The following NR4A3 variants were observed in gnomAD, a reference collection of about 807,000 sequenced individuals.
NR4A3 encodes nuclear receptor subfamily 4 group A member 3.
NR4A3 carries 13 observed loss-of-function variants against 55.6 expected under a neutral mutation model. That is an observed-to-expected ratio of 0.23 (90% confidence interval 0.15 to 0.37). The LOEUF (loss-of-function observed/expected upper bound fraction) is 0.37. Among genes scored for constraint, NR4A3 ranks in the 10% least tolerant of loss-of-function variants. The probability of loss-of-function intolerance (pLI) is 1.00; values close to 1 mark genes in which losing one functional copy is unlikely to be tolerated. For synonymous variants in NR4A3, 342 were observed against 357.9 expected (o/e 0.96, Z 0.50); for missense variants, 646 against 822.8 (o/e 0.79, Z 2.63).
intron 7 of NR4A3, among the ~76,000 whole-genome samples, chr9:99,856,118 G>A (rs1040034893): frequency 6.6e-6 from 1 of 151,988 alleles, no homozygotes; most frequent in East Asian, 1.9e-4. Flanking sequence ...GATGATTCAA[G>A]CTTATTACAT....
intron 7 of NR4A3, among the ~76,000 whole-genome samples, chr9:99,860,352 G>A (rs935513665): frequency 5.3e-5 from 8 of 151,450 alleles, no homozygotes; most frequent in African/African-American, 1.9e-4. Flanking sequence ...TTTTTTGTTT[G>A]TTTGCTTTTG....
chr9:99,846,646 T>TTTTTG (rs1267245875), intron 6 of NR4A3, among the ~76,000 whole-genome samples: 3 of 152,130 alleles, frequency 2.0e-5, no homozygotes, highest in Admixed American at 1.3e-4. Flanking sequence ...AGGGACTTGA[T>TTTTTG]TTTTGTTTTG....
intron 7 of NR4A3, among the ~76,000 whole-genome samples, chr9:99,849,088 C>G (rs1337784621): frequency 1.3e-5 from 2 of 152,214 alleles, no homozygotes; most frequent in East Asian, 3.9e-4. Flanking sequence ...ACCTCTGGTA[C>G]AGATGGCCCC....
chr9:99,855,637 G>A (rs576065319), intron 7 of NR4A3, among the ~76,000 whole-genome samples: 23 of 152,274 alleles, frequency 1.5e-4, no homozygotes, highest in Admixed American at 3.9e-4. Context: ...TTGACTTGTC[G>A]CTTCCTGACC....
At chr9:99,842,310 G>C (rs1381029327) in intron 5 of NR4A3, among the ~76,000 whole-genome samples, 1 of 152,008 alleles carries the variant, frequency 6.6e-6, no homozygotes, top group African/African-American at 2.4e-5. Context: ...TTCTTTCATT[G>C]AAAAAATATT....
At chr9:99,836,992 T>C (rs1172693464) in intron 5 of NR4A3, among the ~76,000 whole-genome samples, 1 of 152,228 alleles carries the variant, frequency 6.6e-6, no homozygotes, top group Admixed American at 6.5e-5. Context: ...ACCTGTTGGC[T>C]ATTTCTATGT....
Position 99,866,512 on chromosome 9 carries a change from T to C in NR4A3, c.*2645T>C, listed in dbSNP as rs1325182819. 1 of 228,674 alleles carries C rather than the reference T, an allele frequency of 4.4e-6. No individual in the cohort carries two copies. The highest frequency in any genetic ancestry group is 8.7e-6 in the Non-Finnish European group (1 of 115,028). 14.2% of individuals were successfully genotyped at this position (228,674 alleles called of 1,614,324 possible). A position where few individuals can be genotyped will look rare whatever the true frequency, so the allele number is the denominator to read the frequency against. Reference sequence around the variant, plus strand: ...TAGCATGTTCTTCTGTCTTCCATAGTTATTACAACTATGAGAGCCTCCCAA... The same window carrying C: ...TAGCATGTTCTTCTGTCTTCCATAGCTATTACAACTATGAGAGCCTCCCAA... On this transcript the variant is annotated 3_prime_UTR_variant, in exon 8 of 8. Transcript: ENST00000395097.
chr9:99,859,824 T>C (rs1352537337), intron 7 of NR4A3, among the ~76,000 whole-genome samples: 2 of 152,226 alleles, frequency 1.3e-5, no homozygotes, highest in South Asian at 4.1e-4. Context: ...TCTTGAATGT[T>C]ATGTAAGACA....
At chr9:99,827,194 G>C (rs1036955141) in intron 2 of NR4A3, among the ~76,000 whole-genome samples, 1 of 151,700 alleles carries the variant, frequency 6.6e-6, no homozygotes, top group Non-Finnish European at 1.5e-5. Context: ...TATTATGATA[G>C]TTATAAACTG....
intron 5 of NR4A3, among the ~76,000 whole-genome samples, chr9:99,843,219 C>T (rs983259171): frequency 1.3e-5 from 2 of 152,246 alleles, no homozygotes; most frequent in African/African-American, 4.8e-5. Flanking sequence ...TAGACCTCCC[C>T]TCAGTGATGG....
In NR4A3 at chr9:99,847,425, C is replaced by G. The variant is rs369494064; in HGVS notation, c.1455-12C>G. On this transcript the variant is annotated splice_polypyrimidine_tract_variant and intron_variant, in intron 6 of 7. Transcript: ENST00000395097. ...AGACCTGTTTAATGTTTGTCTTCCT[C>G]TCACCTCCCAGGTCAAACACTGCTG... The G allele has an allele frequency of 3.7e-6, 6 of 1,613,108 alleles. No homozygotes were observed. The highest frequency in any genetic ancestry group is 2.7e-5 in the African/African-American group (2 of 74,914).
At chr9:99,836,024 A>G (rs1389454375) in intron 5 of NR4A3, among the ~76,000 whole-genome samples, 1 of 152,220 alleles carries the variant, frequency 6.6e-6, no homozygotes, top group Non-Finnish European at 1.5e-5. Flanking sequence ...GCATTACACA[A>G]TTATCAAAAA....
At chr9:99,842,261 G>T (rs889277499) in intron 5 of NR4A3, among the ~76,000 whole-genome samples, 4 of 151,970 alleles carry the variant, frequency 2.6e-5, no homozygotes, top group Non-Finnish European at 5.9e-5. Flanking sequence ...CTCCAACCAG[G>T]TTAGGATATT....
intron 7 of NR4A3, among the ~76,000 whole-genome samples, chr9:99,855,595 C>T (rs1033859119): frequency 1.3e-5 from 2 of 152,168 alleles, no homozygotes; most frequent in African/African-American, 4.8e-5. Context: ...TGAAAAGTAC[C>T]ATTTAAATCA....
chr9:99,849,073 A>G (rs1360338524), intron 7 of NR4A3, among the ~76,000 whole-genome samples: 2 of 152,254 alleles, frequency 1.3e-5, no homozygotes, highest in African/African-American at 2.4e-5. Context: ...AGAGCATCAA[A>G]TGCAACCTCT....
intron 3 of NR4A3, 112 bp downstream of exon 3, chr9:99,829,105 C>T: frequency 1.7e-6 from 2 of 1,171,076 alleles, no homozygotes; most frequent in Non-Finnish European, 1.1e-6. Flanking sequence ...GTAATCGGCA[C>T]ATCATGCTTT....
At chr9:99,851,494 G>T (rs143398978) in intron 7 of NR4A3, among the ~76,000 whole-genome samples, 88 of 152,256 alleles carry the variant, frequency 5.8e-4, no homozygotes, top group African/African-American at 1.9e-3. Context: ...TCCAGGAAAA[G>T]TATTAAGAAT....
Position 99,822,759 on chromosome 9 carries a change from G to GGCGGCGGCA in NR4A3, c.-177+358_-177+366dup, listed in dbSNP as rs1827206334. 1.3e-5 allele frequency among the ~76,000 whole-genome samples: 2 copies of GGCGGCGGCA among 152,162 alleles called. No individual in the cohort carries two copies. Among genetic ancestry groups the GGCGGCGGCA allele is most frequent in the African/African-American group, 4.8e-5 (2 of 41,436 alleles). The stretch of plus-strand genomic sequence containing the variant: ...TAATGATGCTCTCGGCGGCGGCGGC[G>GGCGGCGGCA]GCGGCGGCAGCGGCAGCGGCAGGGA... On this transcript the variant is annotated intron_variant, in intron 1 of 7. Transcript: ENST00000395097. This position sits in a 1 kb window ranked among gnomAD's most constrained non-coding sequence, Gnocchi z 4.9.
intron 7 of NR4A3, among the ~76,000 whole-genome samples, chr9:99,856,198 A>G (rs1332372706): frequency 6.6e-6 from 1 of 151,852 alleles, no homozygotes; most frequent in Non-Finnish European, 1.5e-5. Flanking sequence ...AACTCACCAT[A>G]ATGTAAAATC....
Sources: gnomAD v4.1 joint callset for allele counts (sites outside exome capture counted in the v4.1 genomes callset) on GRCh38, gnomAD v4.1.1 for gene constraint, Gnocchi (gnomAD v3.1) non-coding constraint, MANE v1.5 for transcripts, NCBI Gene and HGNC (gene_info 2026-07-23, HGNC 2026-07-21) for gene names.